The following TGFB1 variants were observed in gnomAD, a reference collection of about 807,000 sequenced individuals.
TGFB1 encodes transforming growth factor beta-1 proprotein.
A neutral mutation model predicts 43.8 loss-of-function variants in TGFB1; 19 were observed. The observed-to-expected ratio is 0.43, with a 90% CI of 0.30 to 0.64. The LOEUF is 0.64. TGFB1 is among the 30% of genes least tolerant of loss of function. The pLI is 0.11. For missense variants in TGFB1, 445 were observed against 529.8 expected (o/e 0.84, Z 1.57); for synonymous variants, 221 against 236.3 (o/e 0.94, Z 0.60).
At chr19:41,340,727 T>A (rs1337503896) in intron 5 of TGFB1, among the ~76,000 whole-genome samples, 1 of 152,180 alleles carries the variant, frequency 6.6e-6, no homozygotes, top group Non-Finnish European at 1.5e-5. Flanking sequence ...ATTCTACCAC[T>A]GTGAGCCCAA....
intron 2 of TGFB1, among the ~76,000 whole-genome samples, chr19:41,345,310 A>T (rs1422286438): frequency 6.6e-6 from 1 of 151,780 alleles, no homozygotes. Flanking sequence ...CAGCCTGGCC[A>T]ACATAGTGAA....
rs866738660 is a variant in TGFB1 at position 41,331,129 on chromosome 19, T to G, written c.1096A>C (p.Ile366Leu). Residue 366 changes from isoleucine (I) to leucine (L), a missense_variant, in exon 7 of 7, where the codon ATC (isoleucine) becomes CTC (leucine). Around this residue, in one of 3 missense-constraint regions of TGFB1, gnomAD observed 56 missense variants for 46.9 expected, o/e 1.19. Transcript: ENST00000221930. Reference protein sequence around the residue: ...CVPQALEPLPIVYYVGRKPKV... With the variant: ...CVPQALEPLPLVYYVGRKPKV... ...GGCTTGCGGCCCACGTAGTACACGA[T>G]GGGCAGCGGCTCCAGCGCCTGCGGC... 6.3e-7 allele frequency: 1 copy of G among 1,578,204 alleles called. No homozygotes were observed.
chr19:41,331,710 G>A (rs11466359), intron 6 of TGFB1, among the ~76,000 whole-genome samples: 22,231 of 150,652 alleles, frequency 0.15, 1,867 homozygotes, highest in East Asian at 0.27. Flanking sequence ...CGCCGCGCCC[G>A]CCTGATTTTC....
intron 2 of TGFB1, 126 bp from the exon 3 acceptor site, chr19:41,344,990 CCT>C: frequency 2.3e-6 from 2 of 854,648 alleles, no homozygotes; most frequent in South Asian, 2.9e-5. Flanking sequence ...CAGGCACTAC[CCT>C]CTCAGACAGC....
chr19:41,341,488 A>AAAAG (rs2038055013), intron 5 of TGFB1, among the ~76,000 whole-genome samples: 1 of 150,556 alleles, frequency 6.6e-6, no homozygotes, highest in Non-Finnish European at 1.5e-5. Context: ...AAAAAAAAAA[A>AAAAG]AAAGGAACCT....
chr19:41,333,470 C>T (rs1288702736), intron 5 of TGFB1, among the ~76,000 whole-genome samples: 1 of 152,116 alleles, frequency 6.6e-6, no homozygotes, highest in Non-Finnish European at 1.5e-5. Context: ...ACCTCAGCCT[C>T]CCAAAGTGCT....
rs201119217 is a variant in TGFB1 at position 41,341,912 on chromosome 19, G to C, written c.831C>G (p.Arg277=). 3.0e-5 allele frequency: 49 copies of C among 1,613,932 alleles called. 1 individual carries two copies. In the South Asian group the frequency reaches 4.1e-4, roughly 13 times the overall value. The change falls in exon 5 of 7, where the codon CGC becomes CGG. Residue 277 remains arginine, a synonymous_variant. Coordinates refer to ENST00000221930, the MANE Select transcript of TGFB1 (RefSeq NM_000660.7). ...AGCAATAGTTGGTGTCCAGGGCTCG[G>C]CGGTGCCGGGAGCTTTGCAGATGCT... ...RAQHLQSSRH[R]RALDTNYCFS...
rs200164212 is a variant in TGFB1, at chr19:41,332,255, C to T, written c.887G>A (p.Arg296Gln). The T allele has an allele frequency of 5.7e-4, 918 of 1,614,090 alleles. No individual in the cohort carries two copies. The highest frequency in any genetic ancestry group is 7.1e-4 in the Non-Finnish European group (835 of 1,179,990). Residue 296 changes from arginine (R) to glutamine (Q), a missense_variant, in exon 6 of 7, where the codon CGG (arginine) becomes CAG (glutamine). This residue lies in a region of TGFB1 where 366 missense variants were observed against 428.8 expected (regional missense o/e 0.85). Coordinates refer to ENST00000221930, the MANE Select transcript of TGFB1 (RefSeq NM_000660.7). Reference sequence around the variant, plus strand: ...CTTGCGGAAGTCAATGTACAGCTGCCGCACGCAGCAGTTCTTCTCCGTGGA... The same window carrying T: ...CTTGCGGAAGTCAATGTACAGCTGCTGCACGCAGCAGTTCTTCTCCGTGGA... ...FSSTEKNCCV[R>Q]QLYIDFRKDL...
chr19:41,348,284 C>G lies in TGFB1; in HGVS notation c.516+11G>C. The G allele has an allele frequency of 6.2e-7, 1 of 1,612,088 alleles. No individual in the cohort carries two copies. The highest frequency in any genetic ancestry group is 1.3e-5 in the African/African-American group (1 of 74,968). ...CCATGCCCTGACCTTCCTTCTGGCT[C>G]ATGTCCTCACCTGGTACAGCTCCAC... On this transcript the variant is annotated intron_variant, in intron 2 of 6. Transcript: ENST00000221930.
intron 2 of TGFB1, among the ~76,000 whole-genome samples, chr19:41,346,921 T>C (rs1044926437): frequency 6.6e-6 from 1 of 152,086 alleles, no homozygotes; most frequent in African/African-American, 2.4e-5. Flanking sequence ...AGATGGAGTT[T>C]CGTCATGTTG....
In TGFB1 at chr19:41,347,525, A is replaced by G. The variant is rs139923763; in HGVS notation, c.516+770T>C. ...AACATCCTAGGATGCAAAGAGTCTGAACATTTAAAAGTGCTCTAGGTTCCG... is the reference window on the plus strand; with the variant it reads ...AACATCCTAGGATGCAAAGAGTCTGGACATTTAAAAGTGCTCTAGGTTCCG... On this transcript the variant is annotated intron_variant, in intron 2 of 6. Coordinates refer to ENST00000221930, the MANE Select transcript of TGFB1 (RefSeq NM_000660.7). 3.8e-3 allele frequency among the ~76,000 whole-genome samples: 578 copies of G among 152,144 alleles called. 8 individuals carry two copies. Among genetic ancestry groups the G allele is most frequent in the African/African-American group, 0.013 (540 of 41,522 alleles).
intron 3 of TGFB1, among the ~76,000 whole-genome samples, chr19:41,343,862 A>G (rs573378278): frequency 2.2e-4 from 28 of 128,296 alleles, no homozygotes; most frequent in Non-Finnish European, 4.6e-4. Flanking sequence ...AGATAGGGGC[A>G]CCATGGGCCC....
intron 1 of TGFB1, among the ~76,000 whole-genome samples, chr19:41,349,704 C>G (rs751606593): frequency 2.6e-5 from 4 of 152,058 alleles, no homozygotes; most frequent in Non-Finnish European, 5.9e-5. Context: ...TTATAGTGTG[C>G]CGAGATTGCG....
Position 41,344,930 on chromosome 19 carries a change from C to G in TGFB1, c.517-66G>C. The G allele has an allele frequency of 2.1e-6, 3 of 1,397,690 alleles. No individual in the cohort carries two copies. In the South Asian group the frequency reaches 3.7e-5, roughly 17 times the overall value. 86.6% of individuals were successfully genotyped at this position (1,397,690 alleles called of 1,614,324 possible). A position where few individuals can be genotyped will look rare whatever the true frequency, so the allele number is the denominator to read the frequency against. On this transcript the variant is annotated intron_variant, in intron 2 of 6. Coordinates refer to ENST00000221930, the MANE Select transcript of TGFB1 (RefSeq NM_000660.7). ...GGTGTCACGACCCCACATACACTAA[C>G]TGAATCCTTCACCCCATCTGCTTCC...
rs539296369 is a variant in TGFB1 at position 41,348,157 on chromosome 19, T to C, written c.516+138A>G. 12 of 995,342 alleles carry C rather than the reference T, an allele frequency of 1.2e-5. No homozygotes were observed. In the African/African-American group the frequency reaches 1.8e-4, roughly 15 times the overall value. The allele number at this position is 995,342 out of a possible 1,614,324, so 61.7% of individuals were successfully genotyped here. On this transcript the variant is annotated intron_variant, in intron 2 of 6. Transcript: ENST00000221930. The stretch of plus-strand genomic sequence containing the variant: ...AAAAAAAAAAAAAAGCGTTCTAGGA[T>C]TGTATGGTTTGTGTTCTTCTATCCT...
chr19:41,335,243 TG>T (rs1210723675), intron 5 of TGFB1, among the ~76,000 whole-genome samples: 29 of 151,966 alleles, frequency 1.9e-4, no homozygotes, highest in Admixed American at 6.6e-5. Flanking sequence ...TAGTAGAGGC[TG>T]GGTTTCACCA....
chr19:41,339,870 C>T lies in TGFB1; in HGVS notation c.860+2013G>A, dbSNP rs368441344. On this transcript the variant is annotated intron_variant, in intron 5 of 6. Transcript: ENST00000221930. ...ATTGACAGCGTTGCTGGGCTGATGGCGCTAAGATCTGGTGGTGAAGGAGCC... is the reference window on the plus strand; with the variant it reads ...ATTGACAGCGTTGCTGGGCTGATGGTGCTAAGATCTGGTGGTGAAGGAGCC... 4.6e-4 allele frequency among the ~76,000 whole-genome samples: 70 copies of T among 152,128 alleles called. No individual in the cohort carries two copies. The South Asian group carries it at 9.4e-3, about 20-fold the overall frequency.
intron 5 of TGFB1, among the ~76,000 whole-genome samples, chr19:41,341,163 C>G (rs572441899): frequency 1.3e-5 from 2 of 152,044 alleles, no homozygotes; most frequent in African/African-American, 4.8e-5. Flanking sequence ...AACCCAGTCT[C>G]TACTAAAGAT....
At chr19:41,346,369 G>T (rs1381399792) in intron 2 of TGFB1, among the ~76,000 whole-genome samples, 1 of 152,056 alleles carries the variant, frequency 6.6e-6, no homozygotes, top group African/African-American at 2.4e-5. Flanking sequence ...ACAAAAAAAA[G>T]AAGAATTTTC....
Sources: allele counts gnomAD v4.1 joint callset (sites outside exome capture counted in the v4.1 genomes callset), GRCh38; gene constraint gnomAD v4.1.1; regional missense constraint gnomAD v4.1.1; transcripts MANE v1.5; gene names NCBI Gene and HGNC (gene_info 2026-07-23, HGNC 2026-07-21).